The following BSPH1 variants were observed in gnomAD, a reference collection of about 807,000 sequenced individuals.
BSPH1 encodes the protein binder of sperm 1.
BSPH1 carries 21 observed loss-of-function variants against 22.5 expected under a neutral mutation model. The ratio of observed to expected loss-of-function variants is 0.93; its 90% CI spans 0.66 to 1.35. The LOEUF (loss-of-function observed/expected upper bound fraction) is 1.35, where lower values mean the gene tolerates loss of function less well. Among genes scored for constraint, BSPH1 ranks in the 40% most tolerant of loss-of-function variants. The pLI, the probability that BSPH1 is intolerant of heterozygous loss-of-function variation, is 0.00. For synonymous variants in BSPH1, 42 were observed against 53.6 expected (o/e 0.78, Z 0.95); for missense variants, 141 against 154.2 (o/e 0.91, Z 0.45).
intron 1 of BSPH1, among the ~76,000 whole-genome samples, chr19:47,981,152 G>C (rs564961866): frequency 1.3e-5 from 2 of 152,190 alleles, no homozygotes; most frequent in South Asian, 4.1e-4. Context: ...TAAAGGATAG[G>C]AATGATTAAA....
intron 1 of BSPH1, among the ~76,000 whole-genome samples, chr19:47,983,668 G>C (rs1969440036): frequency 2.6e-5 from 4 of 152,094 alleles, no homozygotes; most frequent in Admixed American, 2.6e-4. Context: ...TGAATGTTGG[G>C]ATGTTATGTT....
At chr19:47,968,833 T>A (rs1969282667) in intron 5 of BSPH1, among the ~76,000 whole-genome samples, 1 of 151,766 alleles carries the variant, frequency 6.6e-6, no homozygotes, top group South Asian at 2.1e-4. Context: ...ACCCCGTCTC[T>A]ACTAAAATAC....
chr19:47,981,648 T>G lies in BSPH1; in HGVS notation c.74-707A>C, dbSNP rs928976508. ...CAAACCCTGGCACAGGCTCAACCAC[T>G]TACCAACCATCTGCCCTCAGTTTAC... On this transcript the variant is annotated intron_variant, in intron 1 of 5. Coordinates refer to ENST00000344839, the MANE Select transcript of BSPH1 (RefSeq NM_001128326.2). 20 of 558,486 alleles carry G rather than the reference T, an allele frequency of 3.6e-5. No individual in the cohort carries two copies. The African/African-American group carries it at 3.9e-4, about 11-fold the overall frequency. The allele number at this position is 558,486 out of a possible 1,614,324, so 34.6% of individuals were successfully genotyped here.
At chr19:47,991,895 TTCC>T (rs905129364) in intron 1 of BSPH1, 111 bp downstream of exon 1, 5 of 537,592 alleles carry the variant, frequency 9.3e-6, no homozygotes, top group Non-Finnish European at 1.0e-5. Flanking sequence ...CCTCTTCCCC[TTCC>T]TCCTCTTCTT....
chr19:47,968,698 A>AG (rs1242785146), intron 5 of BSPH1, among the ~76,000 whole-genome samples: 5 of 150,158 alleles, frequency 3.3e-5, no homozygotes, highest in Non-Finnish European at 7.4e-5. Context: ...AAAAAAAAAA[A>AG]AAAAAGAAAT....
intron 1 of BSPH1, among the ~76,000 whole-genome samples, chr19:47,985,550 G>C (rs1486709174): frequency 6.6e-6 from 1 of 152,102 alleles, no homozygotes; most frequent in Non-Finnish European, 1.5e-5. Flanking sequence ...AAAAGAGTAA[G>C]TAGGCCCGGC....
intron 3 of BSPH1, 138 bp from the exon 4 acceptor site, chr19:47,977,642 A>G: frequency 1.4e-6 from 2 of 1,425,704 alleles, no homozygotes; most frequent in South Asian, 1.6e-5. Flanking sequence ...TGTGCTACTC[A>G]ATAGCAGAGC....
chr19:47,984,732 C>T (rs142799852), intron 1 of BSPH1, among the ~76,000 whole-genome samples: 80 of 152,160 alleles, frequency 5.3e-4, no homozygotes, highest in African/African-American at 1.9e-3. Context: ...GAACAATAGG[C>T]ACTGGGGATT....
intron 5 of BSPH1, among the ~76,000 whole-genome samples, chr19:47,970,882 G>GA: frequency 6.6e-6 from 1 of 152,262 alleles, no homozygotes; most frequent in African/African-American, 2.4e-5. Context: ...ATGGGAGGAT[G>GA]AAAAATCTGC....
intron 1 of BSPH1, among the ~76,000 whole-genome samples, chr19:47,981,254 C>T (rs1014302925): frequency 2.5e-5 from 2 of 78,656 alleles, no homozygotes; most frequent in Non-Finnish European, 5.5e-5. Flanking sequence ...TCATAGGTTT[C>T]TGATATGAAC....
At chr19:47,975,944 C>A (rs1330274124) in intron 5 of BSPH1, among the ~76,000 whole-genome samples, 1 of 152,114 alleles carries the variant, frequency 6.6e-6, no homozygotes, top group Admixed American at 6.6e-5. Flanking sequence ...CGTGAGCCAC[C>A]GTGCCCGGCC....
chr19:47,973,685 T>C lies in BSPH1; in HGVS notation c.*2+3025A>G, dbSNP rs140303457. The stretch of plus-strand genomic sequence containing the variant: ...AAAGATAATGTTTGCCTGGATATTA[T>C]TGGGTATTACAAGAGAAATAAGCAA... On this transcript the variant is annotated intron_variant, in intron 5 of 5. Transcript: ENST00000344839. 2.7e-4 allele frequency among the ~76,000 whole-genome samples: 41 copies of C among 152,294 alleles called. 1 individual carries two copies. Among genetic ancestry groups the C allele is most frequent in the Non-Finnish European group, 5.4e-4 (37 of 68,028 alleles).
chr19:47,983,112 G>C (rs1969434640), intron 1 of BSPH1, among the ~76,000 whole-genome samples: 1 of 152,162 alleles, frequency 6.6e-6, no homozygotes, highest in Non-Finnish European at 1.5e-5. Flanking sequence ...GAAGGGATCT[G>C]CATTTATTCA....
rs151185820 is a variant in BSPH1, at chr19:47,973,622, T to C, written c.*2+3088A>G. 6.7e-3 allele frequency among the ~76,000 whole-genome samples: 1,027 copies of C among 152,290 alleles called. 14 individuals are homozygous for C. Among genetic ancestry groups the C allele is most frequent in the African/African-American group, 0.023 (971 of 41,566 alleles). On this transcript the variant is annotated intron_variant, in intron 5 of 5. Coordinates refer to ENST00000344839, the MANE Select transcript of BSPH1 (RefSeq NM_001128326.2). ...AGTTGCTGGTTGCTACAACAGTTGG[T>C]TGTTGAGAGATTGGACCCTTCCTTT... is the stretch of plus-strand genomic sequence containing the variant.
chr19:47,985,574 C>A (rs549047744), intron 1 of BSPH1, among the ~76,000 whole-genome samples: 1 of 152,296 alleles, frequency 6.6e-6, no homozygotes, highest in Admixed American at 6.5e-5. Flanking sequence ...GTGGCTCACA[C>A]CTGTAATCCC....
In BSPH1 at chr19:47,972,783, A is replaced by G. The variant is rs564454861; in HGVS notation, c.*2+3927T>C. On this transcript the variant is annotated intron_variant, in intron 5 of 5. Transcript: ENST00000344839. The stretch of plus-strand genomic sequence containing the variant: ...TATTTCTTTTTAATGTAATTTTTAA[A>G]AAATTAAAAAATTCCCAGTTTTATT... Among the ~76,000 whole-genome samples, 47 of 152,214 alleles carry G rather than the reference A, an allele frequency of 3.1e-4. 1 individual carries two copies. The South Asian group carries it at 8.1e-3, about 26-fold the overall frequency.
intron 2 of BSPH1, among the ~76,000 whole-genome samples, chr19:47,980,204 A>AATT (rs1969405419): frequency 1.2e-4 from 2 of 16,004 alleles, no homozygotes; most frequent in African/African-American, 1.1e-3. Flanking sequence ...TTAGATTAAA[A>AATT]ATAATAATTA....
Position 47,992,141 on chromosome 19 carries a change from A to C in BSPH1, c.-60T>G. 1 of 1,405,596 alleles carries C rather than the reference A, an allele frequency of 7.1e-7. No individual in the cohort carries two copies. Among genetic ancestry groups the C allele is most frequent in the Non-Finnish European group, 9.8e-7 (1 of 1,015,232 alleles). 87.1% of individuals were successfully genotyped at this position (1,405,596 alleles called of 1,614,324 possible). A position where few individuals can be genotyped will look rare whatever the true frequency, so the allele number is the denominator to read the frequency against. On this transcript the variant is annotated 5_prime_UTR_variant, in exon 1 of 6. Transcript: ENST00000344839. ...CCTGGTCTTTGTCAGCCAGGGCTCA[A>C]GAATCCCCTGGAGAGGCCCAGGGAG...
chr19:47,969,717 GAGA>G (rs1236608246), intron 5 of BSPH1, among the ~76,000 whole-genome samples: 5 of 134,000 alleles, frequency 3.7e-5, no homozygotes, highest in African/African-American at 1.3e-4. Context: ...GAGAGAGAGA[GAGA>G]GAGAGACTTT....
Sources: gnomAD v4.1 joint callset for allele counts (sites outside exome capture counted in the v4.1 genomes callset) on GRCh38, gnomAD v4.1.1 for gene constraint, MANE v1.5 for transcripts, NCBI Gene and HGNC (gene_info 2026-07-23, HGNC 2026-07-21) for gene names.